The following OSBPL9 variants were observed in gnomAD, a reference collection of about 807,000 sequenced individuals.
The protein encoded by OSBPL9 is oxysterol-binding protein-related protein 9.
A neutral mutation model predicts 106.6 loss-of-function variants in OSBPL9; 40 were observed. The ratio of observed to expected loss-of-function variants is 0.38; its 90% CI spans 0.29 to 0.49. OSBPL9 has a LOEUF of 0.49. OSBPL9 is among the 20% of genes least tolerant of loss of function. The pLI is 0.97. For synonymous variants in OSBPL9, 269 were observed against 295.4 expected (o/e 0.91, Z 0.92); for missense variants, 609 against 887.2 (o/e 0.69, Z 3.98).
chr1:51,530,765 A>G, the OSBPL9 span, among the ~76,000 whole-genome samples: 2 of 152,140 alleles, frequency 1.3e-5, no homozygotes, highest in African/African-American at 4.8e-5. Context: ...TGGGAGGCCG[A>G]GGCAGGCAGA....
intron 1 of OSBPL9, among the ~76,000 whole-genome samples, chr1:51,634,863 A>G (rs1031317056): frequency 6.6e-5 from 10 of 152,216 alleles, no homozygotes; most frequent in Non-Finnish European, 5.9e-5. Flanking sequence ...GGGGCAGGCA[A>G]AGAGAGAATA....
At chr1:51,588,706 A>G (rs1645259054) in intron 1 of OSBPL9, among the ~76,000 whole-genome samples, 1 of 152,206 alleles carries the variant, frequency 6.6e-6, no homozygotes, top group East Asian at 1.9e-4. Context: ...ATTCAATAAG[A>G]TAAAATTCAG....
chr1:51,660,804 G>A (rs933481087), intron 2 of OSBPL9, among the ~76,000 whole-genome samples: 1 of 152,170 alleles, frequency 6.6e-6, no homozygotes, highest in Non-Finnish European at 1.5e-5. Context: ...CCAGGGCATA[G>A]ACATGTTTTG....
intron 3 of OSBPL9, among the ~76,000 whole-genome samples, chr1:51,681,225 TA>T (rs1398797521): frequency 6.6e-6 from 1 of 152,218 alleles, no homozygotes; most frequent in Admixed American, 6.5e-5. Context: ...CCTTTGTATA[TA>T]ATGTACCTGA....
chr1:51,616,411 A>T (rs1175650185), upstream of OSBPL9, among the ~76,000 whole-genome samples: 1 of 152,130 alleles, frequency 6.6e-6, no homozygotes, highest in Non-Finnish European at 1.5e-5. Flanking sequence ...ATCCCTCAAG[A>T]TGCCACGCTC....
chr1:51,578,386 G>A (rs1645198948), intron 1 of OSBPL9, among the ~76,000 whole-genome samples: 1 of 152,184 alleles, frequency 6.6e-6, no homozygotes, highest in Non-Finnish European at 1.5e-5. Context: ...AATTTAGGGT[G>A]TCTCAAAACA....
the OSBPL9 span, among the ~76,000 whole-genome samples, chr1:51,520,459 G>T: frequency 6.6e-5 from 10 of 152,200 alleles, no homozygotes; most frequent in Non-Finnish European, 1.3e-4. Flanking sequence ...ATCTGTAAGC[G>T]TTAGTTGAGG....
chr1:51,597,407 G>GTATA (rs1645304910), intron 1 of OSBPL9, among the ~76,000 whole-genome samples: 1 of 77,414 alleles, frequency 1.3e-5, no homozygotes, highest in Non-Finnish European at 3.1e-5. Context: ...GAATATATGT[G>GTATA]TGTATATATA....
chr1:51,534,973 C>G, the OSBPL9 span, among the ~76,000 whole-genome samples: 1 of 152,270 alleles, frequency 6.6e-6, no homozygotes, highest in Non-Finnish European at 1.5e-5. Flanking sequence ...CAGCTTTTTT[C>G]AAGATGTGAG....
intron 15 of OSBPL9, among the ~76,000 whole-genome samples, chr1:51,778,631 G>C (rs575199887): frequency 6.6e-6 from 1 of 152,182 alleles, no homozygotes; most frequent in African/African-American, 2.4e-5. Context: ...CAAAATACAT[G>C]CAGCAACAAA....
the OSBPL9 span, among the ~76,000 whole-genome samples, chr1:51,518,794 G>GC: frequency 6.6e-6 from 1 of 151,080 alleles, no homozygotes; most frequent in Non-Finnish European, 1.5e-5. Context: ...GGTGCGGCCG[G>GC]CCCGCGCGAG....
the OSBPL9 span, among the ~76,000 whole-genome samples, chr1:51,569,276 C>T: frequency 2.6e-5 from 4 of 152,200 alleles, no homozygotes; most frequent in Non-Finnish European, 4.4e-5. Flanking sequence ...TGACCTCCTT[C>T]TCCTCTTCTG....
At chr1:51,611,744 G>A (rs61578637) in intron 2 of OSBPL9, among the ~76,000 whole-genome samples, 1 of 152,130 alleles carries the variant, frequency 6.6e-6, no homozygotes, top group South Asian at 2.1e-4. Context: ...GTCAAGGGGT[G>A]GGGGGTGGAT....
Position 51,729,631 on chromosome 1 carries a change from GCGAGCTGCCA to G in OSBPL9, c.318+15553_318+15562del, listed in dbSNP as rs1663848137. 1 of 250,446 alleles carries G rather than the reference GCGAGCTGCCA, an allele frequency of 4.0e-6. No individual in the cohort carries two copies. Among genetic ancestry groups the G allele is most frequent in the Admixed American group, 5.7e-5 (1 of 17,458 alleles). 15.5% of individuals were successfully genotyped at this position (250,446 alleles called of 1,614,324 possible). On this transcript the variant is annotated intron_variant, in intron 4 of 23. Coordinates refer to ENST00000428468, the MANE Select transcript of OSBPL9 (RefSeq NM_024586.6). This position sits in a 1 kb window ranked among gnomAD's most constrained non-coding sequence, Gnocchi z 5.1. ...CCTCCCGCCGCTGCGCACCCCTCCCGCGAGCTGCCAGCTCCCTCGGCCTCTCCACCCAAAA... is the reference window on the plus strand; with the variant it reads ...CCTCCCGCCGCTGCGCACCCCTCCCGGCTCCCTCGGCCTCTCCACCCAAAA...
At chr1:51,602,419 A>AT (rs1357173060) in intron 2 of OSBPL9, among the ~76,000 whole-genome samples, 19,400 of 104,682 alleles carry the variant, frequency 0.19, 3,031 homozygotes, top group African/African-American at 0.36. Flanking sequence ...TTTTTTTTTA[A>AT]TTTTTTTTTT....
intron 1 of OSBPL9, among the ~76,000 whole-genome samples, chr1:51,619,885 G>A (rs991245744): frequency 2.0e-5 from 3 of 152,128 alleles, no homozygotes; most frequent in Admixed American, 1.3e-4. Flanking sequence ...TAGTTGTGTA[G>A]CCTTCCAAGC....
At position 51,729,979 on chromosome 1, in the gene OSBPL9, C is replaced by A. The variant is rs774412890; in HGVS notation, c.319-15557C>A. The A allele has an allele frequency of 1.5e-6, 2 of 1,317,460 alleles. No homozygotes were observed. 81.6% of individuals were successfully genotyped at this position (1,317,460 alleles called of 1,614,324 possible). ...AGAGGGCGGGGGCCTTGGCGAATGG[C>A]TTTCTTGCTGGCCACTTGCGGAGTG... On this transcript the variant is annotated intron_variant, in intron 4 of 23. Coordinates refer to ENST00000428468, the MANE Select transcript of OSBPL9 (RefSeq NM_024586.6). This position sits in a 1 kb window ranked among gnomAD's most constrained non-coding sequence, Gnocchi z 5.1.
the OSBPL9 span, among the ~76,000 whole-genome samples, chr1:51,550,795 A>T: frequency 0.53 from 80,732 of 152,072 alleles, 22,925 homozygotes; most frequent in African/African-American, 0.69. Flanking sequence ...ATTACAGGCA[A>T]GAGCCACTGT....
intron 1 of OSBPL9, among the ~76,000 whole-genome samples, chr1:51,639,915 C>T (rs888375319): frequency 8.8e-5 from 13 of 147,812 alleles, no homozygotes; most frequent in Non-Finnish European, 1.6e-4. Context: ...GCCTTGACCT[C>T]CTGGGCTCAG....
Sources: allele counts gnomAD v4.1 joint callset (sites outside exome capture counted in the v4.1 genomes callset), GRCh38; gene constraint gnomAD v4.1.1; non-coding constraint Gnocchi (gnomAD v3.1); transcripts MANE v1.5; gene names NCBI Gene and HGNC (gene_info 2026-07-23, HGNC 2026-07-21).